Variants in VPS13A observed in about 807,000 individuals in gnomAD.
VPS13A encodes vacuolar protein sorting 13 homolog A.
A neutral mutation model predicts 390.9 loss-of-function variants in VPS13A; 264 were observed. The observed-to-expected ratio is 0.68, with a 90% confidence interval of 0.61 to 0.75. The LOEUF is 0.75. VPS13A is among the 30% of genes least tolerant of loss of function. The pLI, the probability that VPS13A is intolerant of heterozygous loss-of-function variation, is 0.00. For synonymous variants in VPS13A, 1,231 were observed against 1,227.1 expected (o/e 1.00, Z -0.07); for missense variants, 3,409 against 3,733.9 (o/e 0.91, Z 2.27).
chr9:77,338,692 A>G (rs1029017711), intron 47 of VPS13A: 2 of 152,342 alleles, frequency 1.3e-5, no homozygotes, highest in African/African-American at 2.4e-5. Flanking sequence ...TTTTGCTTTA[A>G]TTAATTTAAA....
At chr9:77,256,353 G>T (rs1825442186) in intron 22 of VPS13A, among the ~76,000 whole-genome samples, 1 of 152,034 alleles carries the variant, frequency 6.6e-6, no homozygotes, top group South Asian at 2.1e-4. Context: ...TATTGGAAAA[G>T]ATACTTCTTA....
intron 46 of VPS13A, among the ~76,000 whole-genome samples, chr9:77,333,410 G>A (rs960881478): frequency 6.8e-6 from 1 of 147,486 alleles, no homozygotes; most frequent in African/African-American, 2.5e-5. Context: ...TAACCAGCTT[G>A]GATTTCTCAT....
intron 67 of VPS13A, among the ~76,000 whole-genome samples, chr9:77,371,939 A>G (rs1394841166): frequency 2.8e-5 from 4 of 145,062 alleles, no homozygotes; most frequent in Admixed American, 6.9e-5. Context: ...ACTGAGAATG[A>G]TGATTTCCAA....
rs542771128 is a variant in VPS13A, at chr9:77,288,183, GT to G, written c.3339+4534del. ...CTTAGCATGTGAGATTATAATTTTT[GT>G]CTTTTTATGTCTTGATCAGCCTGGT... On this transcript the variant is annotated intron_variant, in intron 31 of 71. Transcript: ENST00000360280. 7.2e-5 allele frequency among the ~76,000 whole-genome samples: 11 copies of G among 151,874 alleles called. No individual in the cohort carries two copies. The South Asian group carries it at 2.3e-3, about 32-fold the overall frequency.
chr9:77,269,258 A>G (rs934399472), intron 23 of VPS13A, among the ~76,000 whole-genome samples: 1 of 151,982 alleles, frequency 6.6e-6, no homozygotes, highest in African/African-American at 2.4e-5. Flanking sequence ...GGTGCTTGTG[A>G]TGGGATCCTC....
intron 57 of VPS13A, among the ~76,000 whole-genome samples, chr9:77,358,809 G>T (rs10781433): frequency 0.57 from 85,928 of 151,952 alleles, 24,459 homozygotes; most frequent in South Asian, 0.64. Context: ...TAAGAATAAC[G>T]GACAAGTCCT....
Position 77,219,959 on chromosome 9 carries a change from C to T in VPS13A, c.760C>T (p.Arg254Cys), listed in dbSNP as rs751155095. ...CCATTTTTATTATTTTTCAGTATTT[C>T]GTCCCATATCTGCTAATGCCAAACT... ...IVPEGYDFVF[R>C]PISANAKLVM... Residue 254 changes from arginine (R) to cysteine (C), a missense_variant, in exon 11 of 72, where the codon CGT (arginine) becomes TGT (cysteine). By Grantham distance (180) the Arg-to-Cys change is radical. Around this residue, in one of 5 missense-constraint regions of VPS13A, gnomAD observed 2,717 missense variants for 2,917.4 expected, o/e 0.93. Transcript: ENST00000360280. 1.1e-5 allele frequency: 17 copies of T among 1,613,078 alleles called. No homozygotes were observed. Among genetic ancestry groups the T allele is most frequent in the Non-Finnish European group, 1.4e-5 (17 of 1,179,408 alleles).
At chr9:77,384,616 C>T (rs574573828) in intron 68 of VPS13A, 3 of 1,610,624 alleles carry the variant, frequency 1.9e-6, no homozygotes, top group East Asian at 2.2e-5. Flanking sequence ...TGGATTATGA[C>T]TCACAGTAGC....
chr9:77,225,791 A>G (rs907527109), intron 13 of VPS13A, 135 bp from the exon 14 acceptor site: 1 of 661,434 alleles, frequency 1.5e-6, no homozygotes, highest in Non-Finnish European at 2.7e-6. Flanking sequence ...CATATGTATT[A>G]TATTGATGAA....
In VPS13A at chr9:77,323,210, A is replaced by C; in HGVS notation, c.5974A>C (p.Ile1992Leu). Residue 1992 changes from isoleucine to leucine, a missense_variant, in exon 45 of 72, where the codon ATT becomes CTT. Ile to Leu is a conservative substitution (Grantham distance 5). Coordinates refer to ENST00000360280, the MANE Select transcript of VPS13A (RefSeq NM_033305.3). Reference protein sequence around the residue: ...DTVEGSKKVTIRSPVQIRNHF... With the variant: ...DTVEGSKKVTLRSPVQIRNHF... ...AGTAGAAGGAAGTAAGAAGGTCACA[A>C]TTCGCTCCCCAGTGCAGGTATGAAA... 1 of 1,613,332 alleles carries C rather than the reference A, an allele frequency of 6.2e-7. No individual in the cohort carries two copies. The highest frequency in any genetic ancestry group is 8.5e-7 in the Non-Finnish European group (1 of 1,179,444).
At chr9:77,257,945 A>T (rs1825544108) in intron 22 of VPS13A, among the ~76,000 whole-genome samples, 1 of 152,218 alleles carries the variant, frequency 6.6e-6, no homozygotes, top group South Asian at 2.1e-4. Flanking sequence ...TGTAGAAAAT[A>T]AATAGTAGAG....
chr9:77,278,697 C>G (rs1382246274), intron 26 of VPS13A, among the ~76,000 whole-genome samples: 1 of 152,142 alleles, frequency 6.6e-6, no homozygotes, highest in East Asian at 1.9e-4. Context: ...GCATTTTTTT[C>G]TCAGGAATTG....
intron 19 of VPS13A, among the ~76,000 whole-genome samples, chr9:77,239,508 TTTTA>T (rs1824346237): frequency 6.9e-6 from 1 of 145,972 alleles, no homozygotes; most frequent in African/African-American, 2.7e-5. Context: ...CTTTGTACTT[TTTTA>T]TTTTATTTTA....
intron 68 of VPS13A, among the ~76,000 whole-genome samples, chr9:77,388,563 G>A (rs1240738986): frequency 2.0e-5 from 3 of 151,980 alleles, no homozygotes; most frequent in Non-Finnish European, 2.9e-5. Flanking sequence ...TATAAAACTG[G>A]CTTTTGATGA....
intron 23 of VPS13A, among the ~76,000 whole-genome samples, chr9:77,261,886 GAT>G (rs758122785): frequency 3.9e-5 from 6 of 152,176 alleles, no homozygotes; most frequent in Non-Finnish European, 8.8e-5. Flanking sequence ...GCCCAGCCCA[GAT>G]TTGCTTAACT....
intron 67 of VPS13A, 45 bp downstream of exon 67, chr9:77,371,194 A>T (rs375789773): frequency 6.2e-7 from 1 of 1,612,376 alleles, no homozygotes; most frequent in South Asian, 1.1e-5. Context: ...TGCTGAAGCC[A>T]TGAGAAATGG....
At chr9:77,185,887 G>A (rs1824303961) in intron 1 of VPS13A, among the ~76,000 whole-genome samples, 1 of 152,198 alleles carries the variant, frequency 6.6e-6, no homozygotes, top group Admixed American at 6.5e-5. Context: ...AGCATTTTGG[G>A]GGACTGAGGC....
At chr9:77,199,115 T>G (rs1825177475) in intron 1 of VPS13A, among the ~76,000 whole-genome samples, 1 of 152,222 alleles carries the variant, frequency 6.6e-6, no homozygotes. Context: ...CTTCTTTCTG[T>G]TTTACCCCTT....
Position 77,308,058 on chromosome 9 carries a change from C to A in VPS13A, c.4074C>A (p.Ala1358=), listed in dbSNP as rs1828870793. 1.2e-6 allele frequency: 2 copies of A among 1,613,770 alleles called. No homozygotes were observed. The highest frequency in any genetic ancestry group is 1.7e-6 in the Non-Finnish European group (2 of 1,179,918). Residue 1358 remains alanine (A), a synonymous_variant, in exon 35 of 72, where the codon GCC becomes GCA. Transcript: ENST00000360280. ...SPAVTKDQYS[A]TSGVTTNASH... ...CTGTAACAAAAGACCAATACAGTGC[C>A]ACTAGTGGAGTTACTACTAATGCTT...
Sources: allele counts gnomAD v4.1 joint callset (sites outside exome capture counted in the v4.1 genomes callset), GRCh38; gene constraint gnomAD v4.1.1; regional missense constraint gnomAD v4.1.1; transcripts MANE v1.5; gene names NCBI Gene and HGNC (gene_info 2026-07-23, HGNC 2026-07-21).